Variants in LTBP1 observed in about 807,000 individuals in gnomAD.
The protein encoded by LTBP1 is latent-transforming growth factor beta-binding protein 1.
A neutral mutation model predicts 207.6 loss-of-function variants in LTBP1; 129 were observed. The observed-to-expected ratio is 0.62, with a 90% CI of 0.54 to 0.72. LTBP1 has a LOEUF of 0.72. Ranked by LOEUF, LTBP1 falls within the 30% of genes least tolerant of loss-of-function variation. The probability of loss-of-function intolerance (pLI) is 0.00; values close to 1 mark genes in which losing one functional copy is unlikely to be tolerated. For synonymous variants in LTBP1, 963 were observed against 833.7 expected, an observed-to-expected ratio of 1.16 and a Z score of -2.67; for missense variants, 2,281 against 2,217.2, an observed-to-expected ratio of 1.03 and a Z score of -0.58.
At position 33,222,060 on chromosome 2, in the gene LTBP1, A is replaced by G; in HGVS notation, c.1805-20A>G. ...ATTGTAAGAATTTAAGTATGTAACA[A>G]AGCATTTCTTCCCTTACAGCTTATC... On this transcript the variant is annotated intron_variant, in intron 8 of 33. Coordinates refer to ENST00000404816, the MANE Select transcript of LTBP1 (RefSeq NM_206943.4). The G allele has an allele frequency of 2.5e-6, 4 of 1,583,788 alleles. No homozygotes were observed. The highest frequency in any genetic ancestry group is 3.5e-6 in the Non-Finnish European group (4 of 1,152,286).
At chr2:33,307,454 A>G (rs909941107) in intron 22 of LTBP1, among the ~76,000 whole-genome samples, 1 of 152,230 alleles carries the variant, frequency 6.6e-6, no homozygotes, top group Admixed American at 6.5e-5. Flanking sequence ...CTACCCAGCA[A>G]TAAAGCACAG....
intron 2 of LTBP1, among the ~76,000 whole-genome samples, chr2:32,999,556 C>T (rs566861603): frequency 7.5e-6 from 1 of 134,068 alleles, no homozygotes; most frequent in African/African-American, 2.6e-5. Context: ...GACCCCACAC[C>T]CAGGCTCCAG....
chr2:33,007,824 G>C (rs1687137397), intron 2 of LTBP1, among the ~76,000 whole-genome samples: 1 of 152,136 alleles, frequency 6.6e-6, no homozygotes, highest in Non-Finnish European at 1.5e-5. Context: ...TAAGTGCTTT[G>C]CATGTATTAA....
intron 7 of LTBP1, among the ~76,000 whole-genome samples, chr2:33,200,135 C>G (rs1241730419): frequency 6.6e-6 from 1 of 152,158 alleles, no homozygotes; most frequent in Non-Finnish European, 1.5e-5. Flanking sequence ...CTCAAAAGTT[C>G]ATATGGAACC....
intron 24 of LTBP1, among the ~76,000 whole-genome samples, chr2:33,331,557 C>T (rs1402528598): frequency 6.6e-6 from 1 of 151,956 alleles, no homozygotes; most frequent in East Asian, 1.9e-4. Flanking sequence ...ACCTTAAAAC[C>T]ACTATGGCCA....
At position 33,082,582 on chromosome 2, in the gene LTBP1, G is replaced by A. The variant is rs182481891; in HGVS notation, c.864-28000G>A. Reference sequence around the variant, plus strand: ...TGGGACTACAGGTGTCCACCAGCACGCCTGGCTAATTGTTTTATATTTTTA... The same window carrying A: ...TGGGACTACAGGTGTCCACCAGCACACCTGGCTAATTGTTTTATATTTTTA... On this transcript the variant is annotated intron_variant, in intron 3 of 33. Coordinates refer to ENST00000404816, the MANE Select transcript of LTBP1 (RefSeq NM_206943.4). Among the ~76,000 whole-genome samples, 470 of 151,362 alleles carry A rather than the reference G, an allele frequency of 3.1e-3. 7 individuals carry two copies. The highest frequency in any genetic ancestry group is 0.024 in the East Asian group (121 of 5,102).
At chr2:33,242,978 ATCT>A (rs200159149) in intron 9 of LTBP1, among the ~76,000 whole-genome samples, 2,689 of 152,040 alleles carry the variant, frequency 0.018, 84 homozygotes, top group African/African-American at 0.062. Context: ...ACCTTCCTGA[ATCT>A]TCTTTTCCAG....
intron 2 of LTBP1, among the ~76,000 whole-genome samples, chr2:32,978,032 A>G (rs1682098940): frequency 6.6e-6 from 1 of 152,238 alleles, no homozygotes; most frequent in African/African-American, 2.4e-5. Context: ...ATTAGCATAT[A>G]GAAATGTTAC....
intron 5 of LTBP1, among the ~76,000 whole-genome samples, chr2:33,185,344 G>A (rs1160270518): frequency 6.6e-6 from 1 of 152,198 alleles, no homozygotes; most frequent in African/African-American, 2.4e-5. Flanking sequence ...TCGCTTGGTG[G>A]ATGGAGGTAT....
rs371064393 is a variant in LTBP1, at chr2:33,188,621, C to G, written c.1471C>G (p.Pro491Ala). 14 of 1,613,916 alleles carry G rather than the reference C, an allele frequency of 8.7e-6. No individual in the cohort carries two copies. Among genetic ancestry groups the G allele is most frequent in the African/African-American group, 2.7e-5 (2 of 74,898 alleles). ...NIVNIHVKHP[P>A]EASVQIHQVS... Reference sequence around the variant, plus strand: ...AGTCAATATCCATGTGAAACATCCTCCTGAAGCTTCCGTCCAGATACATCA... The same window carrying G: ...AGTCAATATCCATGTGAAACATCCTGCTGAAGCTTCCGTCCAGATACATCA... Residue 491 changes from proline to alanine, a missense_variant, in exon 7 of 34, where the codon CCT becomes GCT. By Grantham distance (27) the Pro-to-Ala change is conservative (BLOSUM62 -1). Coordinates refer to ENST00000404816, the MANE Select transcript of LTBP1 (RefSeq NM_206943.4).
chr2:32,958,946 G>A (rs1678541656), intron 2 of LTBP1, among the ~76,000 whole-genome samples: 1 of 152,180 alleles, frequency 6.6e-6, no homozygotes, highest in African/African-American at 2.4e-5. Context: ...ATCATCATCT[G>A]ATAGAGATTT....
intron 6 of LTBP1, 65 bp downstream of exon 6, chr2:33,187,145 C>G (rs1290651830): frequency 1.4e-6 from 2 of 1,433,116 alleles, no homozygotes; most frequent in East Asian, 2.3e-5. Flanking sequence ...ACATAGAAGT[C>G]AAGGATCTGC....
At chr2:32,977,631 G>A (rs1181781334) in intron 2 of LTBP1, among the ~76,000 whole-genome samples, 1 of 152,160 alleles carries the variant, frequency 6.6e-6, no homozygotes, top group Admixed American at 6.5e-5. Context: ...ATGGTTGGGT[G>A]TGCAGGGGCC....
At position 33,360,633 on chromosome 2, in the gene LTBP1, A is replaced by G; in HGVS notation, c.4037A>G (p.Lys1346Arg). Residue 1346 changes from lysine (K) to arginine (R), a missense_variant, in exon 27 of 34, where the codon AAG becomes AGG. Lys to Arg is a conservative substitution (Grantham distance 26, BLOSUM62 2). This residue lies in a region of LTBP1 where 1,671 missense variants were observed against 1,634.8 expected (regional missense o/e 1.02). Coordinates refer to ENST00000404816, the MANE Select transcript of LTBP1 (RefSeq NM_206943.4). Reference protein sequence around the residue: ...DVDVDQPKEEKKECYYNLNDA... With the variant: ...DVDVDQPKEERKECYYNLNDA... ...GATGTAGATCAACCCAAAGAAGAAAAGAAAGAATGCTACTATAATCTCAAT... is the reference window on the plus strand; with the variant it reads ...GATGTAGATCAACCCAAAGAAGAAAGGAAAGAATGCTACTATAATCTCAAT... 1 of 1,613,848 alleles carries G rather than the reference A, an allele frequency of 6.2e-7. No individual in the cohort carries two copies. The highest frequency in any genetic ancestry group is 8.5e-7 in the Non-Finnish European group (1 of 1,179,762).
chr2:33,068,362 G>A (rs750686749), intron 3 of LTBP1, among the ~76,000 whole-genome samples: 1 of 151,936 alleles, frequency 6.6e-6, no homozygotes, highest in Non-Finnish European at 1.5e-5. Flanking sequence ...GCCCCCAAAT[G>A]TGCACAGCTT....
intron 32 of LTBP1, among the ~76,000 whole-genome samples, chr2:33,393,172 T>G (rs931284494): frequency 4.7e-5 from 5 of 107,106 alleles, no homozygotes; most frequent in Non-Finnish European, 1.1e-4. Flanking sequence ...TACCCAATAG[T>G]TATTACCTTT....
At chr2:33,100,955 G>C (rs1291006720) in intron 3 of LTBP1, among the ~76,000 whole-genome samples, 1 of 152,230 alleles carries the variant, frequency 6.6e-6, no homozygotes, top group Non-Finnish European at 1.5e-5. Flanking sequence ...CAGGACATTT[G>C]GGTTGTAGGT....
At chr2:33,267,632 A>G (rs1350824601) in intron 15 of LTBP1, among the ~76,000 whole-genome samples, 1 of 152,224 alleles carries the variant, frequency 6.6e-6, no homozygotes, top group Admixed American at 6.5e-5. Flanking sequence ...ATGCAGTAAG[A>G]CATTGTAATT....
intron 3 of LTBP1, among the ~76,000 whole-genome samples, chr2:33,053,239 C>A (rs2076831562): frequency 6.6e-6 from 1 of 152,050 alleles, no homozygotes; most frequent in South Asian, 2.1e-4. Flanking sequence ...TCCAGACTTC[C>A]TATATACCCT....
Sources: gnomAD v4.1 joint callset for allele counts (sites outside exome capture counted in the v4.1 genomes callset) on GRCh38, gnomAD v4.1.1 for gene constraint, gnomAD v4.1.1 regional missense constraint, MANE v1.5 for transcripts, NCBI Gene and HGNC (gene_info 2026-07-23, HGNC 2026-07-21) for gene names.